MAGI2: variants seen among roughly 807,000 people sequenced by gnomAD.
MAGI2 encodes membrane associated guanylate kinase, WW and PDZ domain containing 2.
In MAGI2, 35 loss-of-function variants were observed where a neutral mutation model predicts 133.3. That is an observed-to-expected ratio of 0.26 (90% CI 0.20 to 0.35). MAGI2 has a LOEUF of 0.35. MAGI2 is among the 10% of genes least tolerant of loss of function. The probability of loss-of-function intolerance (pLI) is 1.00; values close to 1 mark genes in which losing one functional copy is unlikely to be tolerated. For missense variants in MAGI2, 1,636 were observed against 1,863.4 expected (o/e 0.88, Z 2.25); for synonymous variants, 729 against 710.6 (o/e 1.03, Z -0.41).
At chr7:78,672,855 C>T (rs528529417) in intron 2 of MAGI2, among the ~76,000 whole-genome samples, 1 of 152,306 alleles carries the variant, frequency 6.6e-6, no homozygotes, top group Admixed American at 6.5e-5. Flanking sequence ...GGCCTGACCT[C>T]TTACCATTGT....
In MAGI2 at chr7:79,156,080, T is replaced by A. The variant is rs554212729; in HGVS notation, c.302-148874A>T. On this transcript the variant is annotated intron_variant, in intron 1 of 21. Transcript: ENST00000354212. ...TGTTAATGGGGACTAAGCTCTGATT[T>A]TTTTTATCTTCCCCAAATTCCTATC... Among the ~76,000 whole-genome samples the A allele has an allele frequency of 3.3e-5, 5 of 152,220 alleles. No individual in the cohort carries two copies. In the East Asian group the frequency reaches 7.8e-4, roughly 24 times the overall value.
intron 1 of MAGI2, among the ~76,000 whole-genome samples, chr7:79,098,141 G>T (rs142398013): frequency 1.3e-5 from 2 of 152,062 alleles, no homozygotes; most frequent in Non-Finnish European, 2.9e-5. Flanking sequence ...TAGCAGATGC[G>T]CAATTTTTAT....
intron 6 of MAGI2, among the ~76,000 whole-genome samples, chr7:78,370,110 T>C (rs924883020): frequency 1.3e-5 from 2 of 152,108 alleles, no homozygotes; most frequent in South Asian, 4.1e-4. Context: ...CAATAATATG[T>C]ATCACTGTAG....
chr7:78,874,952 T>C (rs1355473850), intron 2 of MAGI2, among the ~76,000 whole-genome samples: 1 of 152,104 alleles, frequency 6.6e-6, no homozygotes, highest in Non-Finnish European at 1.5e-5. Flanking sequence ...AGTGACTAAA[T>C]GCAAGCAGAA....
At chr7:78,879,664 T>C (rs980136472) in intron 2 of MAGI2, among the ~76,000 whole-genome samples, 1 of 152,052 alleles carries the variant, frequency 6.6e-6, no homozygotes, top group African/African-American at 2.4e-5. Context: ...AGAATTCTGT[T>C]ACCATAAAAA....
At chr7:78,199,126 C>T (rs56298553) in intron 11 of MAGI2, among the ~76,000 whole-genome samples, 3,710 of 152,178 alleles carry the variant, frequency 0.024, 158 homozygotes, top group African/African-American at 0.085. Flanking sequence ...TTACCGGCCA[C>T]GTGGTCATTT....
chr7:78,610,997 A>G (rs1174541148), intron 3 of MAGI2, among the ~76,000 whole-genome samples: 1 of 152,238 alleles, frequency 6.6e-6, no homozygotes, highest in Non-Finnish European at 1.5e-5. Flanking sequence ...GACTTCCTTC[A>G]AGTTACTAAA....
At chr7:78,341,759 G>A (rs113805541) in intron 9 of MAGI2, among the ~76,000 whole-genome samples, 4 of 152,246 alleles carry the variant, frequency 2.6e-5, no homozygotes, top group African/African-American at 4.8e-5. Context: ...CTAGCCATAC[G>A]CAGAAAACTG....
At chr7:78,856,157 T>C (rs1226482770) in intron 2 of MAGI2, among the ~76,000 whole-genome samples, 1 of 152,208 alleles carries the variant, frequency 6.6e-6, no homozygotes, top group African/African-American at 2.4e-5. Context: ...TATTAGCCCT[T>C]TGTCAGATGG....
At chr7:78,406,989 C>G (rs933588223) in intron 6 of MAGI2, among the ~76,000 whole-genome samples, 1 of 151,938 alleles carries the variant, frequency 6.6e-6, no homozygotes, top group Non-Finnish European at 1.5e-5. Flanking sequence ...ACAAAAAAAG[C>G]CCAAAAAATC....
At chr7:78,176,908 G>GACTCACACAC (rs781171770) in intron 14 of MAGI2, among the ~76,000 whole-genome samples, 147 of 130,486 alleles carry the variant, frequency 1.1e-3, no homozygotes, top group African/African-American at 2.7e-3. Context: ...ACCATATATA[G>GACTCACACAC]ACACACACAC....
chr7:78,299,275 CAGAT>C (rs1004179614), intron 9 of MAGI2, among the ~76,000 whole-genome samples: 1 of 152,210 alleles, frequency 6.6e-6, no homozygotes, highest in South Asian at 2.1e-4. Context: ...AAATTTGTCA[CAGAT>C]AGAAAATTTA....
At chr7:78,754,622 T>C (rs1008197102) in intron 2 of MAGI2, among the ~76,000 whole-genome samples, 7 of 152,182 alleles carry the variant, frequency 4.6e-5, no homozygotes, top group Admixed American at 2.6e-4. Flanking sequence ...CATTGCTTGT[T>C]AGCATCAGCC....
chr7:78,423,395 T>A (rs962692949), intron 6 of MAGI2, among the ~76,000 whole-genome samples: 1 of 152,320 alleles, frequency 6.6e-6, no homozygotes, highest in East Asian at 1.9e-4. Flanking sequence ...CTCTTTCTTT[T>A]GTAAATTGCC....
At chr7:79,160,537 C>A (rs1248547562) in intron 1 of MAGI2, among the ~76,000 whole-genome samples, 1 of 151,970 alleles carries the variant, frequency 6.6e-6, no homozygotes, top group Non-Finnish European at 1.5e-5. Flanking sequence ...CCTTTAAGAA[C>A]AAAATTCTCA....
chr7:78,946,545 A>G (rs1801432899), intron 2 of MAGI2, among the ~76,000 whole-genome samples: 3 of 152,186 alleles, frequency 2.0e-5, no homozygotes, highest in Non-Finnish European at 4.4e-5. Flanking sequence ...GAAAAATTGA[A>G]TGTTTCTAAG....
At chr7:79,343,334 T>C (rs1056233501) in intron 1 of MAGI2, 1 of 152,060 alleles carries the variant, frequency 6.6e-6, no homozygotes, top group Non-Finnish European at 1.5e-5. Flanking sequence ...CTTCTGGGTA[T>C]TATTATAATT....
intron 1 of MAGI2, among the ~76,000 whole-genome samples, chr7:79,078,582 A>T (rs1255013018): frequency 6.6e-6 from 1 of 152,212 alleles, no homozygotes; most frequent in Non-Finnish European, 1.5e-5. Context: ...GTTGTATAAA[A>T]ATAACATGGC....
chr7:78,540,270 G>C (rs544100644), intron 3 of MAGI2, among the ~76,000 whole-genome samples: 35 of 152,304 alleles, frequency 2.3e-4, no homozygotes, highest in African/African-American at 7.9e-4. Flanking sequence ...CACTGTTGGG[G>C]ATGGGGTGTG....
Sources: allele counts gnomAD v4.1 joint callset (sites outside exome capture counted in the v4.1 genomes callset), GRCh38; gene constraint gnomAD v4.1.1; transcripts MANE v1.5; gene names NCBI Gene and HGNC (gene_info 2026-07-23, HGNC 2026-07-21).